The following CKM variants were observed in gnomAD, a reference collection of about 807,000 sequenced individuals.
CKM encodes creatine kinase, M-type.
Under a neutral mutation model 35.4 loss-of-function variants are expected in CKM, and 28 were observed. The ratio of observed to expected loss-of-function variants is 0.79; its 90% confidence interval spans 0.59 to 1.08. The LOEUF (loss-of-function observed/expected upper bound fraction) is 1.08, where lower values mean the gene tolerates loss of function less well. CKM is among the 50% of genes least tolerant of loss of function. The pLI is 0.00. For synonymous variants in CKM, 215 were observed against 204.4 expected (o/e 1.05, Z -0.44); for missense variants, 484 against 509.8 (o/e 0.95, Z 0.49).
intron 5 of CKM, 94 bp from the exon 6 acceptor site, chr19:45,308,626 G>T (rs1228118892): frequency 4.1e-5 from 58 of 1,431,718 alleles, no homozygotes; most frequent in African/African-American, 8.5e-5. Flanking sequence ...ACCGATGGGG[G>T]AAGAGGGCCT....
At chr19:45,311,644 T>G in intron 5 of CKM, 105 bp downstream of exon 5, 1 of 941,632 alleles carries the variant, frequency 1.1e-6, no homozygotes, top group Non-Finnish European at 1.6e-6. Context: ...TAGAAGATCA[T>G]AATTACGTAT....
chr19:45,307,633 C>T lies in CKM; in HGVS notation c.795G>A (p.Lys265=), dbSNP rs1971066542. The change falls in exon 7 of 8, where the codon AAG becomes AAA. Residue 265 remains lysine (K), a synonymous_variant. Transcript: ENST00000221476. The part of the protein sequence containing the change: ...VGLQKIEEIF[K]KAGHPFMWNQ... Reference sequence around the variant, plus strand: ...TCCACATGAAGGGGTGGCCAGCTTTCTTAAAGATCTCCTCAATCTGAGGTT... The same window carrying T: ...TCCACATGAAGGGGTGGCCAGCTTTTTTAAAGATCTCCTCAATCTGAGGTT... The T allele has an allele frequency of 6.2e-7, 1 of 1,613,960 alleles. No individual in the cohort carries two copies. Among genetic ancestry groups the T allele is most frequent in the Non-Finnish European group, 8.5e-7 (1 of 1,180,012 alleles).
intron 3 of CKM, among the ~76,000 whole-genome samples, chr19:45,317,591 T>C (rs1370618815): frequency 4.4e-5 from 6 of 136,754 alleles, no homozygotes; most frequent in East Asian, 2.4e-4. Context: ...TGCCCAGCCC[T>C]TTTTTTTTTT....
chr19:45,318,969 C>T (rs545045660), intron 2 of CKM, among the ~76,000 whole-genome samples: 12 of 152,174 alleles, frequency 7.9e-5, no homozygotes, highest in South Asian at 6.2e-4. Flanking sequence ...ATCCTCCCAC[C>T]GCAGCCTCCT....
chr19:45,321,834 C>T (rs570978598), intron 1 of CKM, among the ~76,000 whole-genome samples: 3 of 152,072 alleles, frequency 2.0e-5, no homozygotes, highest in Non-Finnish European at 4.4e-5. Context: ...CCTCCAGCAG[C>T]GGTGGGAGAC....
At chr19:45,316,224 G>T (rs1376932108) in intron 3 of CKM, among the ~76,000 whole-genome samples, 1 of 151,684 alleles carries the variant, frequency 6.6e-6, no homozygotes, top group African/African-American at 2.4e-5. Context: ...CAGCTACTCA[G>T]GAGGCTGAGG....
chr19:45,308,558 G>T, intron 5 of CKM, 26 bp from the exon 6 acceptor site: 1 of 1,613,746 alleles, frequency 6.2e-7, no homozygotes, highest in Non-Finnish European at 8.5e-7. Context: ...GCAGCAAGAG[G>T]CCAAGGTGTC....
chr19:45,307,483 C>G lies in CKM; in HGVS notation c.945G>C (p.Leu315=). 1 of 1,613,886 alleles carries G rather than the reference C, an allele frequency of 6.2e-7. No homozygotes were observed. The highest frequency in any genetic ancestry group is 1.1e-5 in the South Asian group (1 of 91,062). Reference sequence around the variant, plus strand: ...TACCTGTACCCCTCTTCTGCAGACGCAGGCGGGTGAGGATCTCCTCGAACT... The same window carrying G: ...TACCTGTACCCCTCTTCTGCAGACGGAGGCGGGTGAGGATCTCCTCGAACT... The part of the protein sequence containing the change: ...HPKFEEILTR[L]RLQKRGTGGV... Residue 315 remains leucine (L), a synonymous_variant, in exon 7 of 8, where the codon CTG becomes CTC. Coordinates refer to ENST00000221476, the MANE Select transcript of CKM (RefSeq NM_001824.5).
At chr19:45,308,063 C>T (rs1385742023) in intron 6 of CKM, among the ~76,000 whole-genome samples, 1 of 152,006 alleles carries the variant, frequency 6.6e-6, no homozygotes, top group Admixed American at 6.6e-5. Context: ...AGTATAGAGA[C>T]GGGGTTTCAC....
At chr19:45,319,160 C>G (rs1319962136) in intron 2 of CKM, among the ~76,000 whole-genome samples, 1 of 152,102 alleles carries the variant, frequency 6.6e-6, no homozygotes, top group East Asian at 1.9e-4. Context: ...CCTGGCCCCC[C>G]TGTCAGAGCT....
In CKM at chr19:45,322,830, C is replaced by T; in HGVS notation, c.-28G>A. The T allele has an allele frequency of 1.0e-6, 1 of 986,030 alleles. No individual in the cohort carries two copies. Among genetic ancestry groups the T allele is most frequent in the Non-Finnish European group, 1.2e-6 (1 of 830,452 alleles). 61.1% of individuals were successfully genotyped at this position (986,030 alleles called of 1,614,324 possible). A position where few individuals can be genotyped will look rare whatever the true frequency, so the allele number is the denominator to read the frequency against. ...CCGCCCCGTGCAGTACCTGGCTGGG[C>T]TGGGCTGAAGGGGGGCTGTCTGTAT... On this transcript the variant is annotated 5_prime_UTR_variant, in exon 1 of 8. Coordinates refer to ENST00000221476, the MANE Select transcript of CKM (RefSeq NM_001824.5).
At chr19:45,319,873 C>T in intron 1 of CKM, 142 bp from the exon 2 acceptor site, 1 of 650,364 alleles carries the variant, frequency 1.5e-6, no homozygotes. Context: ...TCACTGCAAG[C>T]TCCACCTCCT....
At chr19:45,308,242 T>C (rs1417957145) in intron 6 of CKM, among the ~76,000 whole-genome samples, 167 bp downstream of exon 6, 2 of 98,964 alleles carry the variant, frequency 2.0e-5, no homozygotes, top group Non-Finnish European at 4.3e-5. Context: ...CGGGTGGGGC[T>C]AGTTTTGGGG....
intron 7 of CKM, 137 bp downstream of exon 7, chr19:45,307,324 G>A (rs1192492604): frequency 5.3e-6 from 4 of 750,658 alleles, no homozygotes; most frequent in Non-Finnish European, 6.7e-6. Flanking sequence ...ATTTTACAGA[G>A]GAAGAAATGC....
At chr19:45,308,883 C>G (rs1008929366) in intron 5 of CKM, among the ~76,000 whole-genome samples, 1 of 152,238 alleles carries the variant, frequency 6.6e-6, no homozygotes, top group South Asian at 2.1e-4. Context: ...ATCTTCCCAT[C>G]GTAGTGTGTT....
rs17875604 is a variant in CKM at position 45,317,837 on chromosome 19, A to G, written c.336T>C (p.His112=). 4.1e-4 allele frequency: 666 copies of G among 1,613,382 alleles called. 2 individuals are homozygous for G. The African/African-American group carries it at 7.3e-3, about 18-fold the overall frequency. The stretch of plus-strand genomic sequence containing the variant: ...CGCAGACACCGACCTTGAGGTTTTC[A>G]TGGTTGAGGTCAGTCTTGTGCTTGT... The part of the protein sequence containing the change: ...PTDKHKTDLN[H]ENLKGGDDLD... The change falls in exon 3 of 8, where the codon CAT becomes CAC. Residue 112 remains histidine (H), a synonymous_variant. Transcript: ENST00000221476.
intron 5 of CKM, among the ~76,000 whole-genome samples, chr19:45,310,017 G>A (rs1419694512): frequency 6.6e-6 from 1 of 151,580 alleles, no homozygotes; most frequent in African/African-American, 2.4e-5. Context: ...TCTGAATCAG[G>A]GATTCAAAGA....
At chr19:45,319,156 C>T (rs1162187712) in intron 2 of CKM, among the ~76,000 whole-genome samples, 1 of 152,100 alleles carries the variant, frequency 6.6e-6, no homozygotes, top group Non-Finnish European at 1.5e-5. Flanking sequence ...TGCACCTGGC[C>T]CCCCTGTCAG....
rs1333430800 is a variant in CKM at position 45,317,890 on chromosome 19, C to A, written c.283G>T (p.Asp95Tyr). The A allele has an allele frequency of 3.1e-6, 5 of 1,613,858 alleles. No individual in the cohort carries two copies. The highest frequency in any genetic ancestry group is 4.2e-6 in the Non-Finnish European group (5 of 1,180,014). ...GTGGGTTTGTAGCCCCCGTGGCGAT[C>A]CGAGATGATGGGGTCAAAGAGTTCC... ...FKELFDPIIS[D>Y]RHGGYKPTDK... The change falls in exon 3 of 8, where the codon GAT becomes TAT. Residue 95 changes from aspartate (D) to tyrosine (Y), a missense_variant. Asp to Tyr is a radical substitution (Grantham distance 160, BLOSUM62 -3). Transcript: ENST00000221476.
Sources: allele counts gnomAD v4.1 joint callset (sites outside exome capture counted in the v4.1 genomes callset), GRCh38; gene constraint gnomAD v4.1.1; transcripts MANE v1.5; gene names NCBI Gene and HGNC (gene_info 2026-07-23, HGNC 2026-07-21).